The following TNS3 variants were observed in gnomAD, a reference collection of about 807,000 sequenced individuals.
TNS3 encodes the protein tensin-3.
TNS3 carries 45 observed loss-of-function variants against 140.9 expected under a neutral mutation model. The ratio of observed to expected loss-of-function variants is 0.32; its 90% confidence interval spans 0.25 to 0.41. The LOEUF is 0.41. TNS3 is among the 10% of genes least tolerant of loss of function. The pLI, the probability that TNS3 is intolerant of heterozygous loss-of-function variation, is 1.00. For missense variants in TNS3, 1,716 were observed against 1,906.7 expected (o/e 0.90, Z 1.86); for synonymous variants, 815 against 788.4 (o/e 1.03, Z -0.56).
At chr7:47,508,923 C>T (rs541857164) in intron 2 of TNS3, among the ~76,000 whole-genome samples, 11 of 152,312 alleles carry the variant, frequency 7.2e-5, no homozygotes, top group African/African-American at 2.4e-4. Context: ...TGTGCCACCT[C>T]GGAAGCTGGT....
chr7:47,474,996 A>T (rs977053104), intron 4 of TNS3, among the ~76,000 whole-genome samples: 1 of 148,894 alleles, frequency 6.7e-6, no homozygotes, highest in Non-Finnish European at 1.5e-5. Flanking sequence ...ACGCACTCAA[A>T]GCACCTCACA....
At chr7:47,331,847 G>C (rs1458773750) in intron 20 of TNS3, among the ~76,000 whole-genome samples, 2 of 152,198 alleles carry the variant, frequency 1.3e-5, no homozygotes, top group Non-Finnish European at 2.9e-5. Flanking sequence ...AAATGTGATA[G>C]AATTTAAACA....
intron 13 of TNS3, among the ~76,000 whole-genome samples, chr7:47,408,156 T>C (rs967866527): frequency 2.0e-5 from 3 of 151,972 alleles, no homozygotes; most frequent in Admixed American, 6.6e-5. Context: ...TGGAGGCCAT[T>C]GGGAACACTC....
At position 47,378,432 on chromosome 7, in the gene TNS3, C is replaced by T. The variant is rs113311957; in HGVS notation, c.1025-8811G>A. Among the ~76,000 whole-genome samples the T allele has an allele frequency of 2.4e-3, 369 of 152,292 alleles. 6 individuals carry two copies. The highest frequency in any genetic ancestry group is 8.5e-3 in the African/African-American group (354 of 41,566). ...TTCCCTAAGTCATTTTTTGATATGA[C>T]TGAAATTGTCCCAGGCACCAACTTT... On this transcript the variant is annotated intron_variant, in intron 16 of 30. Transcript: ENST00000311160.
rs116857252 is a variant in TNS3, at chr7:47,500,230, G to A, written c.-115+6677C>T. On this transcript the variant is annotated intron_variant, in intron 3 of 30. Transcript: ENST00000311160. ...GCACGCTGCATCTGGGTCCAGCTCT[G>A]TGCACGGCCGAGAGCTACCCTCAGG... Among the ~76,000 whole-genome samples the A allele has an allele frequency of 9.2e-3, 1,408 of 152,266 alleles. 6 individuals are homozygous for A. The highest frequency in any genetic ancestry group is 0.017 in the Middle Eastern group (5 of 294).
At chr7:47,314,956 G>A (rs559875814) in intron 20 of TNS3, among the ~76,000 whole-genome samples, 1 of 152,234 alleles carries the variant, frequency 6.6e-6, no homozygotes, top group Non-Finnish European at 1.5e-5. Context: ...GTTTTCCGGT[G>A]CAGGCCAACT....
intron 2 of TNS3, among the ~76,000 whole-genome samples, chr7:47,520,015 C>T (rs1798916580): frequency 6.6e-6 from 1 of 151,688 alleles, no homozygotes; most frequent in Admixed American, 6.6e-5. Context: ...TTAGTAGAGA[C>T]GGGGTTTCAC....
At position 47,506,902 on chromosome 7, in the gene TNS3, C is replaced by T; in HGVS notation, c.-115+5G>A. 4 of 1,289,328 alleles carry T rather than the reference C, an allele frequency of 3.1e-6. No individual in the cohort carries two copies. The South Asian group carries it at 4.9e-5, about 16-fold the overall frequency. The allele number at this position is 1,289,328 out of a possible 1,614,324, so 79.9% of individuals were successfully genotyped here. Reference sequence around the variant, plus strand: ...AGTCCCATGGGAAAGCAACGGAATGCTTACCTTGGCTTCACATTTCTTGTG... The same window carrying T: ...AGTCCCATGGGAAAGCAACGGAATGTTTACCTTGGCTTCACATTTCTTGTG... On this transcript the variant is annotated splice_donor_5th_base_variant and intron_variant, in intron 3 of 30. Coordinates refer to ENST00000311160, the MANE Select transcript of TNS3 (RefSeq NM_022748.12).
At chr7:47,449,685 G>GCAAC (rs1795924095) in intron 4 of TNS3, among the ~76,000 whole-genome samples, 1 of 152,146 alleles carries the variant, frequency 6.6e-6, no homozygotes, top group Admixed American at 6.5e-5. Flanking sequence ...TTGGCTCACT[G>GCAAC]CAACCTCCAT....
chr7:47,440,931 A>G (rs566287212), intron 5 of TNS3, among the ~76,000 whole-genome samples: 66 of 152,202 alleles, frequency 4.3e-4, no homozygotes, highest in Admixed American at 5.9e-4. Context: ...ATGTACCCAC[A>G]TCACCTAACT....
chr7:47,526,961 G>T (rs1203247850), intron 2 of TNS3, among the ~76,000 whole-genome samples: 3 of 152,150 alleles, frequency 2.0e-5, no homozygotes, highest in Non-Finnish European at 4.4e-5. Flanking sequence ...GGCCGGGCGT[G>T]GTGGCTCACG....
chr7:47,522,191 T>C (rs1799006042), intron 2 of TNS3, among the ~76,000 whole-genome samples: 2 of 152,286 alleles, frequency 1.3e-5, no homozygotes, highest in South Asian at 4.2e-4. Context: ...GGATCATAGA[T>C]TTGTTGCTTG....
chr7:47,424,285 TC>T, intron 9 of TNS3, 101 bp from the exon 10 acceptor site: 1 of 1,131,470 alleles, frequency 8.8e-7, no homozygotes, highest in Non-Finnish European at 1.3e-6. Flanking sequence ...AGCGACCAGC[TC>T]CCACAAGGGG....
chr7:47,386,023 T>C (rs995388624), intron 16 of TNS3, among the ~76,000 whole-genome samples: 4 of 152,228 alleles, frequency 2.6e-5, no homozygotes, highest in African/African-American at 7.2e-5. Flanking sequence ...AAATAAATAC[T>C]ATTGAATTTT....
chr7:47,412,535 T>C (rs1170179874), intron 12 of TNS3, among the ~76,000 whole-genome samples: 1 of 152,196 alleles, frequency 6.6e-6, no homozygotes, highest in African/African-American at 2.4e-5. Flanking sequence ...GGAGAATCGC[T>C]TGAACCTAGG....
chr7:47,336,540 G>A (rs1052720170), intron 20 of TNS3, among the ~76,000 whole-genome samples: 1 of 152,136 alleles, frequency 6.6e-6, no homozygotes, highest in South Asian at 2.1e-4. Context: ...ATTGTTTATT[G>A]AAGAATCGCT....
At chr7:47,546,755 G>T (rs998104108) in intron 1 of TNS3, among the ~76,000 whole-genome samples, 3 of 152,180 alleles carry the variant, frequency 2.0e-5, no homozygotes, top group African/African-American at 7.2e-5. Context: ...TGTCCACCCA[G>T]GCTAGCAGGG....
At chr7:47,396,769 C>T (rs1441181820) in intron 16 of TNS3, 31 bp downstream of exon 16, 1 of 1,560,892 alleles carries the variant, frequency 6.4e-7, no homozygotes, top group Middle Eastern at 1.7e-4. Context: ...CCCTTTGCCT[C>T]CATAACTGCA....
At chr7:47,295,089 C>T (rs1020397926) in intron 24 of TNS3, among the ~76,000 whole-genome samples, 2 of 152,102 alleles carry the variant, frequency 1.3e-5, no homozygotes, top group Non-Finnish European at 2.9e-5. Flanking sequence ...AATCCAGGGA[C>T]AAGATGAAGA....
Sources: gnomAD v4.1 joint callset for allele counts (sites outside exome capture counted in the v4.1 genomes callset) on GRCh38, gnomAD v4.1.1 for gene constraint, MANE v1.5 for transcripts, NCBI Gene and HGNC (gene_info 2026-07-23, HGNC 2026-07-21) for gene names.